FAM227B: variants seen among roughly 807,000 people sequenced by gnomAD.
FAM227B encodes the protein family with sequence similarity 227 member B, also known as protein FAM227B.
In FAM227B, 88 loss-of-function variants were observed where a neutral mutation model predicts 73.8. The observed-to-expected ratio is 1.19, with a 90% confidence interval of 1.00 to 1.42. The LOEUF (loss-of-function observed/expected upper bound fraction) is 1.42. FAM227B is among the 40% of genes most tolerant of loss of function. The pLI, the probability that FAM227B is intolerant of heterozygous loss-of-function variation, is 0.00. For synonymous variants in FAM227B, 210 were observed against 190.5 expected (o/e 1.10, Z -0.84); for missense variants, 632 against 590.9 (o/e 1.07, Z -0.72).
intron 5 of FAM227B, among the ~76,000 whole-genome samples, chr15:49,580,917 CTCAG>C (rs1375879203): frequency 1.3e-5 from 2 of 152,100 alleles, no homozygotes; most frequent in Non-Finnish European, 1.5e-5. Flanking sequence ...TCAGAAATAA[CTCAG>C]TCACACAAAA....
At chr15:49,453,994 T>C (rs2053029468) in intron 11 of FAM227B, among the ~76,000 whole-genome samples, 1 of 152,144 alleles carries the variant, frequency 6.6e-6, no homozygotes. Context: ...ATTTTAATAT[T>C]CTCTTAAACT....
At chr15:49,431,359 G>A (rs756749271) in intron 11 of FAM227B, among the ~76,000 whole-genome samples, 3 of 151,730 alleles carry the variant, frequency 2.0e-5, no homozygotes, top group Non-Finnish European at 2.9e-5. Context: ...TAGAGAAGTC[G>A]TGTCAAATTC....
At chr15:49,393,732 G>A (rs915214669) in intron 11 of FAM227B, among the ~76,000 whole-genome samples, 11 of 152,038 alleles carry the variant, frequency 7.2e-5, no homozygotes, top group African/African-American at 2.4e-4. Flanking sequence ...CCTGACTACT[G>A]CGACTAACTG....
chr15:49,388,800 A>C (rs2047035204), intron 11 of FAM227B, among the ~76,000 whole-genome samples: 1 of 151,962 alleles, frequency 6.6e-6, no homozygotes, highest in Non-Finnish European at 1.5e-5. Context: ...AAAAAATACA[A>C]ATAATTCCAT....
intron 13 of FAM227B, among the ~76,000 whole-genome samples, chr15:49,349,282 T>G (rs1381094714): frequency 6.6e-6 from 1 of 152,012 alleles, no homozygotes; most frequent in East Asian, 1.9e-4. Context: ...CCTTTGTTCA[T>G]CAAGTTCTTA....
chr15:49,617,980 C>T (rs1239876295), intron 1 of FAM227B, among the ~76,000 whole-genome samples: 2 of 152,192 alleles, frequency 1.3e-5, no homozygotes, highest in African/African-American at 4.8e-5. Flanking sequence ...CCTCTATCTT[C>T]AAAGCCAGCA....
chr15:49,563,848 A>G (rs2074440246), intron 9 of FAM227B, among the ~76,000 whole-genome samples: 1 of 152,198 alleles, frequency 6.6e-6, no homozygotes, highest in Non-Finnish European at 1.5e-5. Context: ...CTCAAGATGG[A>G]TTAAAGACAA....
At chr15:49,378,746 A>T (rs537615386) in intron 11 of FAM227B, among the ~76,000 whole-genome samples, 1 of 152,180 alleles carries the variant, frequency 6.6e-6, no homozygotes, top group Admixed American at 6.5e-5. Flanking sequence ...TCATCTGCAG[A>T]TAACAATCAT....
chr15:49,404,608 T>C (rs982263121), intron 11 of FAM227B, among the ~76,000 whole-genome samples: 2 of 152,152 alleles, frequency 1.3e-5, no homozygotes, highest in African/African-American at 4.8e-5. Context: ...CTTTTCCATT[T>C]TCCTGGTAGT....
At chr15:49,480,474 ATT>A (rs35283556) in intron 11 of FAM227B, among the ~76,000 whole-genome samples, 18 of 100,912 alleles carry the variant, frequency 1.8e-4, no homozygotes, top group Middle Eastern at 6.6e-3. Context: ...TGCCCAACTA[ATT>A]TTTTTTTTTT....
chr15:49,452,587 C>T (rs1440207974), intron 11 of FAM227B, among the ~76,000 whole-genome samples: 1 of 152,204 alleles, frequency 6.6e-6, no homozygotes, highest in East Asian at 1.9e-4. Context: ...ACTTAAGCAA[C>T]TAAAGAAAGC....
chr15:49,542,190 C>A (rs1849852321), intron 9 of FAM227B, among the ~76,000 whole-genome samples: 1 of 151,826 alleles, frequency 6.6e-6, no homozygotes, highest in Non-Finnish European at 1.5e-5. Context: ...AGGTAAATTG[C>A]ATGTTAAGAA....
chr15:49,490,731 T>C (rs1435761777), intron 11 of FAM227B, among the ~76,000 whole-genome samples: 1 of 151,952 alleles, frequency 6.6e-6, no homozygotes, highest in Non-Finnish European at 1.5e-5. Flanking sequence ...TTGAAGTAAA[T>C]ATATTTAGGG....
At chr15:49,499,165 C>CAAAAAAA (rs11355557) in intron 11 of FAM227B, among the ~76,000 whole-genome samples, 2 of 53,044 alleles carry the variant, frequency 3.8e-5, no homozygotes, top group Non-Finnish European at 6.5e-5. Context: ...GACTCCGTCT[C>CAAAAAAA]AAAAAAAAAA....
intron 11 of FAM227B, chr15:49,422,340 G>A (rs2151739297): frequency 4.7e-6 from 1 of 211,232 alleles, no homozygotes; most frequent in Middle Eastern, 1.8e-3. Flanking sequence ...GTAAAGGAGA[G>A]AACTCATGCT....
chr15:49,570,004 T>C (rs576386863), intron 8 of FAM227B, among the ~76,000 whole-genome samples: 1 of 152,106 alleles, frequency 6.6e-6, no homozygotes, highest in East Asian at 1.9e-4. Flanking sequence ...CACCACATTA[T>C]CCATTCATTC....
At chr15:49,402,964 T>C (rs1321947048) in intron 11 of FAM227B, among the ~76,000 whole-genome samples, 1 of 152,210 alleles carries the variant, frequency 6.6e-6, no homozygotes, top group East Asian at 1.9e-4. Context: ...AATACCTAGT[T>C]TATTGAGAGT....
intron 11 of FAM227B, among the ~76,000 whole-genome samples, chr15:49,373,128 T>C (rs976410167): frequency 4.6e-5 from 7 of 151,962 alleles, no homozygotes; most frequent in Non-Finnish European, 5.9e-5. Context: ...TATGAACCAG[T>C]ATCATTAAAA....
chr15:49,563,788 C>T (rs144208377), intron 9 of FAM227B, among the ~76,000 whole-genome samples: 80 of 152,136 alleles, frequency 5.3e-4, no homozygotes, highest in South Asian at 3.5e-3. Context: ...GCTAGCCATA[C>T]GCTGAAGAAC....
Sources: gnomAD v4.1 joint callset for allele counts (sites outside exome capture counted in the v4.1 genomes callset) on GRCh38, gnomAD v4.1.1 for gene constraint, MANE v1.5 for transcripts, NCBI Gene and HGNC (gene_info 2026-07-23, HGNC 2026-07-21) for gene names.